Variants in UBASH3B observed in about 807,000 individuals in gnomAD.
The protein encoded by UBASH3B is ubiquitin associated and SH3 domain containing B.
Under a neutral mutation model 83.4 loss-of-function variants are expected in UBASH3B, and 37 were observed. The observed-to-expected ratio is 0.44, with a 90% CI of 0.34 to 0.58. UBASH3B has a LOEUF of 0.58. Ranked by LOEUF, UBASH3B falls within the 20% of genes least tolerant of loss-of-function variation. The pLI is 0.01. For missense variants in UBASH3B, 657 were observed against 827.2 expected (o/e 0.79, Z 2.52); for synonymous variants, 304 against 318.3 (o/e 0.96, Z 0.48).
chr11:122,668,649 T>C (rs930369730), intron 1 of UBASH3B, among the ~76,000 whole-genome samples: 1 of 152,258 alleles, frequency 6.6e-6, no homozygotes, highest in African/African-American at 2.4e-5. Context: ...GCTCAAGTCC[T>C]GGATCTGTCA....
Position 122,779,667 on chromosome 11 carries a change from CTT to C in UBASH3B, c.575_576del (p.Phe192CysfsTer16). 1 of 1,614,230 alleles carries C rather than the reference CTT, an allele frequency of 6.2e-7. No individual in the cohort carries two copies. The highest frequency in any genetic ancestry group is 8.5e-7 in the Non-Finnish European group (1 of 1,180,046). On this transcript the variant is annotated frameshift_variant, in exon 4 of 14. Transcript: ENST00000284273. LOFTEE classifies it high-confidence loss of function. ...AEVLKKFAAD[F>X]AAEAASKTEV... The stretch of plus-strand genomic sequence containing the variant: ...AGGTCCTCAAGAAGTTTGCTGCTGA[CTT>C]TGCTGCAGAGGCTGCATCCAAAACC...
intron 1 of UBASH3B, among the ~76,000 whole-genome samples, chr11:122,658,609 G>T (rs1050594903): frequency 5.3e-5 from 8 of 152,220 alleles, no homozygotes; most frequent in South Asian, 2.1e-4. Flanking sequence ...CTGAGGTTTA[G>T]AAGGGTTGCA....
At chr11:122,695,386 G>T (rs548946206) in intron 1 of UBASH3B, among the ~76,000 whole-genome samples, 1 of 152,294 alleles carries the variant, frequency 6.6e-6, no homozygotes, top group East Asian at 1.9e-4. Flanking sequence ...CAGAGCCTGC[G>T]GATGGGTGGG....
At chr11:122,734,730 C>T (rs999600433) in intron 1 of UBASH3B, among the ~76,000 whole-genome samples, 2 of 151,830 alleles carry the variant, frequency 1.3e-5, no homozygotes, top group Non-Finnish European at 2.9e-5. Flanking sequence ...ATCATTTTCC[C>T]CCCTCATCAG....
intron 1 of UBASH3B, among the ~76,000 whole-genome samples, chr11:122,681,856 A>T (rs1316473832): frequency 6.6e-6 from 1 of 152,208 alleles, no homozygotes; most frequent in Non-Finnish European, 1.5e-5. Context: ...ACAAAGAGAC[A>T]AGTCATCTGT....
chr11:122,697,031 A>C (rs1304293356), intron 1 of UBASH3B, among the ~76,000 whole-genome samples: 1 of 152,176 alleles, frequency 6.6e-6, no homozygotes, highest in African/African-American at 2.4e-5. Context: ...CATAGCAAAG[A>C]AAAGTCAGCC....
intron 8 of UBASH3B, 32 bp from the exon 9 acceptor site, chr11:122,796,879 T>C (rs771486854): frequency 2.5e-6 from 4 of 1,614,004 alleles, no homozygotes; most frequent in Admixed American, 3.3e-5. Context: ...AAGAAATGTA[T>C]GTATCCTCTG....
At position 122,661,197 on chromosome 11, in the gene UBASH3B, T is replaced by G. The variant is rs373072596; in HGVS notation, c.161+4987T>G. The stretch of plus-strand genomic sequence containing the variant: ...TTTTCTACTGAGAATATTTGAACAA[T>G]GCCAAATTAAAGAGCAAGGCAGTGG... On this transcript the variant is annotated intron_variant, in intron 1 of 13. Coordinates refer to ENST00000284273, the MANE Select transcript of UBASH3B (RefSeq NM_032873.5). 2.6e-5 allele frequency among the ~76,000 whole-genome samples: 4 copies of G among 152,204 alleles called. No individual in the cohort carries two copies. In the South Asian group the frequency reaches 6.2e-4, roughly 24 times the overall value.
At chr11:122,714,161 T>C (rs538530149) in intron 1 of UBASH3B, among the ~76,000 whole-genome samples, 1 of 152,340 alleles carries the variant, frequency 6.6e-6, no homozygotes, top group South Asian at 2.1e-4. Flanking sequence ...ACAGAACATC[T>C]GCCCCATCAG....
At chr11:122,738,174 A>G (rs192736302) in intron 1 of UBASH3B, among the ~76,000 whole-genome samples, 16 of 146,828 alleles carry the variant, frequency 1.1e-4, no homozygotes, top group Non-Finnish European at 1.6e-4. Flanking sequence ...TTACTAAGTG[A>G]CCTTAGACCA....
chr11:122,710,260 C>T (rs1864174868), intron 1 of UBASH3B, among the ~76,000 whole-genome samples: 1 of 151,256 alleles, frequency 6.6e-6, no homozygotes, highest in Non-Finnish European at 1.5e-5. Context: ...ATAAGGCCAA[C>T]AGTTAGAAGA....
At chr11:122,658,473 T>C (rs922252944) in intron 1 of UBASH3B, among the ~76,000 whole-genome samples, 17 of 152,204 alleles carry the variant, frequency 1.1e-4, no homozygotes, top group African/African-American at 3.9e-4. Context: ...TGAGGTCTCC[T>C]AATAGCTAGC....
At chr11:122,684,699 G>A (rs1404458944) in intron 1 of UBASH3B, among the ~76,000 whole-genome samples, 1 of 152,214 alleles carries the variant, frequency 6.6e-6, no homozygotes, top group Non-Finnish European at 1.5e-5. Context: ...CTGGGTTCAA[G>A]TGATTCTCCT....
intron 12 of UBASH3B, among the ~76,000 whole-genome samples, chr11:122,807,331 A>T (rs548296654): frequency 6.6e-6 from 1 of 152,376 alleles, no homozygotes; most frequent in South Asian, 2.1e-4. Context: ...CACATATGAT[A>T]GAATTGCATG....
intron 1 of UBASH3B, among the ~76,000 whole-genome samples, chr11:122,702,082 TG>T (rs1281672497): frequency 2.6e-5 from 4 of 152,224 alleles, no homozygotes; most frequent in African/African-American, 9.6e-5. Flanking sequence ...ACAGATGCTG[TG>T]TTCTTTACTT....
chr11:122,702,355 A>C (rs950902307), intron 1 of UBASH3B, among the ~76,000 whole-genome samples: 1 of 152,136 alleles, frequency 6.6e-6, no homozygotes, highest in African/African-American at 2.4e-5. Flanking sequence ...AGGCCAGAGA[A>C]TATCATCACA....
intron 1 of UBASH3B, among the ~76,000 whole-genome samples, chr11:122,732,349 T>A (rs748889226): frequency 1.3e-5 from 2 of 152,162 alleles, no homozygotes; most frequent in Non-Finnish European, 2.9e-5. Flanking sequence ...CTAACCAGGT[T>A]GTTATGAAGG....
chr11:122,720,482 A>G (rs187860331), intron 1 of UBASH3B, among the ~76,000 whole-genome samples: 75 of 152,350 alleles, frequency 4.9e-4, no homozygotes, highest in African/African-American at 1.5e-3. Flanking sequence ...AGTGTAAGGC[A>G]GATGGAATCA....
intron 1 of UBASH3B, among the ~76,000 whole-genome samples, chr11:122,666,844 C>G (rs1222520900): frequency 6.6e-6 from 1 of 151,932 alleles, no homozygotes; most frequent in African/African-American, 2.4e-5. Context: ...GGCTCCTCTT[C>G]CCTTCTTTTC....
Sources: gnomAD v4.1 joint callset for allele counts (sites outside exome capture counted in the v4.1 genomes callset) on GRCh38, gnomAD v4.1.1 for gene constraint, MANE v1.5 for transcripts, NCBI Gene and HGNC (gene_info 2026-07-23, HGNC 2026-07-21) for gene names.